DYNC1I1: variants seen among roughly 807,000 people sequenced by gnomAD.
DYNC1I1 encodes the protein dynein cytoplasmic 1 intermediate chain 1.
DYNC1I1 carries 43 observed loss-of-function variants against 86.6 expected under a neutral mutation model. The ratio of observed to expected loss-of-function variants is 0.50; its 90% CI spans 0.39 to 0.64. DYNC1I1 has a LOEUF of 0.64. Among genes scored for constraint, DYNC1I1 ranks in the 30% least tolerant of loss-of-function variants. The pLI is 0.00. For synonymous variants in DYNC1I1, 262 were observed against 283.7 expected, an observed-to-expected ratio of 0.92 and a Z score of 0.77; for missense variants, 604 against 788.8, an observed-to-expected ratio of 0.77 and a Z score of 2.81.
intron 6 of DYNC1I1, among the ~76,000 whole-genome samples, chr7:95,926,143 A>G (rs906836600): frequency 6.6e-6 from 1 of 152,208 alleles, no homozygotes; most frequent in Non-Finnish European, 1.5e-5. Flanking sequence ...ATTTCAAACA[A>G]TGTACATACT....
chr7:95,876,409 T>C (rs1015092535), intron 6 of DYNC1I1, among the ~76,000 whole-genome samples: 24 of 152,166 alleles, frequency 1.6e-4, no homozygotes, highest in Non-Finnish European at 2.9e-5. Context: ...GAATATCCTT[T>C]CTCCCTCAAT....
chr7:96,037,797 G>A (rs1438871837), intron 13 of DYNC1I1, among the ~76,000 whole-genome samples: 3 of 152,074 alleles, frequency 2.0e-5, no homozygotes, highest in Non-Finnish European at 4.4e-5. Context: ...GCTGAATTTT[G>A]CTTTACATTG....
intron 14 of DYNC1I1, among the ~76,000 whole-genome samples, chr7:96,049,113 C>G (rs1789309455): frequency 6.6e-6 from 1 of 151,966 alleles, no homozygotes; most frequent in South Asian, 2.1e-4. Flanking sequence ...CAAAAATTAG[C>G]TGGGCATGGT....
intron 10 of DYNC1I1, among the ~76,000 whole-genome samples, chr7:96,008,830 T>C (rs1794203600): frequency 6.6e-6 from 1 of 152,210 alleles, no homozygotes; most frequent in African/African-American, 2.4e-5. Flanking sequence ...AATTTAAATA[T>C]ATTCTCCACC....
At chr7:95,946,695 T>TA (rs1447675416) in intron 6 of DYNC1I1, among the ~76,000 whole-genome samples, 1 of 152,188 alleles carries the variant, frequency 6.6e-6, no homozygotes, top group Non-Finnish European at 1.5e-5. Flanking sequence ...ATTGAACAAA[T>TA]ATCTAGTAAG....
chr7:96,106,843 TATG>T (rs1311122393), intron 16 of DYNC1I1, among the ~76,000 whole-genome samples: 1 of 152,212 alleles, frequency 6.6e-6, no homozygotes, highest in Non-Finnish European at 1.5e-5. Flanking sequence ...TGACTTAGCA[TATG>T]GTCAACTTGC....
chr7:95,850,039 T>G (rs916359717), intron 5 of DYNC1I1, among the ~76,000 whole-genome samples: 50 of 152,304 alleles, frequency 3.3e-4, no homozygotes, highest in African/African-American at 1.1e-3. Flanking sequence ...ATGCTACTAA[T>G]TTTTGTATAT....
At chr7:96,040,010 G>A (rs2116040945) in intron 14 of DYNC1I1, among the ~76,000 whole-genome samples, 1 of 152,210 alleles carries the variant, frequency 6.6e-6, no homozygotes, top group African/African-American at 2.4e-5. Flanking sequence ...GAGGTGGGTG[G>A]ATCGCTTGAG....
At chr7:95,862,773 G>A (rs1280128348) in intron 5 of DYNC1I1, among the ~76,000 whole-genome samples, 1 of 152,142 alleles carries the variant, frequency 6.6e-6, no homozygotes, top group African/African-American at 2.4e-5. Flanking sequence ...ATCCTCGGGG[G>A]ATTGGTTCTA....
chr7:96,039,179 A>T, intron 13 of DYNC1I1, 98 bp from the exon 14 acceptor site: 1 of 1,330,786 alleles, frequency 7.5e-7, no homozygotes, highest in East Asian at 2.4e-5. Flanking sequence ...TAAATTATGG[A>T]GATGCAGAGT....
intron 6 of DYNC1I1, among the ~76,000 whole-genome samples, chr7:95,960,439 G>A (rs920829201): frequency 1.6e-4 from 25 of 152,114 alleles, no homozygotes; most frequent in African/African-American, 5.3e-4. Context: ...GAGATGGCAT[G>A]TCCCAATTTT....
At chr7:95,931,235 C>T (rs964463709) in intron 6 of DYNC1I1, among the ~76,000 whole-genome samples, 3 of 151,582 alleles carry the variant, frequency 2.0e-5, no homozygotes, top group Non-Finnish European at 4.4e-5. Context: ...AACTTCCATT[C>T]CACCTCCCAG....
rs576955585 is a variant in DYNC1I1, at chr7:95,860,405, C to T, written c.375-9478C>T. 6.7e-4 allele frequency among the ~76,000 whole-genome samples: 102 copies of T among 152,244 alleles called. 3 individuals carry two copies. Among genetic ancestry groups the T allele is most frequent in the Admixed American group, 2.9e-3 (45 of 15,292 alleles). ...GGGGCTCATCTTTCAGAAACTCACC[C>T]GAAGAAATTTTAGAGTACTAGGAAA... On this transcript the variant is annotated intron_variant, in intron 5 of 16. Transcript: ENST00000447467.
At chr7:96,096,928 C>A (rs1412280529) in intron 16 of DYNC1I1, among the ~76,000 whole-genome samples, 3 of 152,050 alleles carry the variant, frequency 2.0e-5, no homozygotes, top group Non-Finnish European at 2.9e-5. Context: ...TAAATAATAG[C>A]TACTATTACT....
rs185423311 is a variant in DYNC1I1 at position 95,789,296 on chromosome 7, T to C, written c.-9-15425T>C. Among the ~76,000 whole-genome samples, 59 of 152,278 alleles carry C rather than the reference T, an allele frequency of 3.9e-4. No homozygotes were observed. The East Asian group carries it at 9.4e-3, about 24-fold the overall frequency. On this transcript the variant is annotated intron_variant, in intron 1 of 16. Transcript: ENST00000447467. Reference sequence around the variant, plus strand: ...GTGCTGATGGGGCAAATAGCAAATATCCAAATCCAAGAGCGGCATTTAGCA... The same window carrying C: ...GTGCTGATGGGGCAAATAGCAAATACCCAAATCCAAGAGCGGCATTTAGCA...
At chr7:95,823,512 T>C (rs557210425) in intron 4 of DYNC1I1, among the ~76,000 whole-genome samples, 43 of 152,248 alleles carry the variant, frequency 2.8e-4, no homozygotes, top group Non-Finnish European at 5.6e-4. Context: ...ATGTTATCGG[T>C]ATATTATTAG....
At chr7:96,083,610 G>C (rs552522029) in intron 16 of DYNC1I1, among the ~76,000 whole-genome samples, 1 of 152,098 alleles carries the variant, frequency 6.6e-6, no homozygotes. Context: ...CCTAAACTGC[G>C]GAAGGCCAGA....
intron 6 of DYNC1I1, among the ~76,000 whole-genome samples, chr7:95,896,210 TGCTCGGTG>T (rs2116289569): frequency 6.6e-6 from 1 of 152,282 alleles, no homozygotes; most frequent in East Asian, 1.9e-4. Context: ...TGCCCAGGCT[TGCTCGGTG>T]AAGAGCCCTG....
intron 4 of DYNC1I1, among the ~76,000 whole-genome samples, chr7:95,816,652 T>C (rs1164186509): frequency 3.1e-5 from 1 of 32,722 alleles, no homozygotes; most frequent in Non-Finnish European, 4.7e-5. Context: ...TAAACATAAA[T>C]GAAAAATCTT....
Sources: gnomAD v4.1 joint callset for allele counts (sites outside exome capture counted in the v4.1 genomes callset) on GRCh38, gnomAD v4.1.1 for gene constraint, MANE v1.5 for transcripts, NCBI Gene and HGNC (gene_info 2026-07-23, HGNC 2026-07-21) for gene names.